NXPE1: variants seen among roughly 807,000 people sequenced by gnomAD.
NXPE1 encodes the protein NXPE family member 1.
Under a neutral mutation model 33.3 loss-of-function variants are expected in NXPE1, and 31 were observed. The observed-to-expected ratio is 0.93, with a 90% confidence interval of 0.70 to 1.26. The LOEUF (loss-of-function observed/expected upper bound fraction) is 1.26, where lower values mean the gene tolerates loss of function less well. Among genes scored for constraint, NXPE1 ranks in the 50% most tolerant of loss-of-function variants. The pLI, the probability that NXPE1 is intolerant of heterozygous loss-of-function variation, is 0.00. For synonymous variants in NXPE1, 229 were observed against 231.4 expected, an observed-to-expected ratio of 0.99 and a Z score of 0.09; for missense variants, 661 against 655.6, an observed-to-expected ratio of 1.01 and a Z score of -0.09.
At chr11:114,558,752 G>A (rs1225779197) in intron 1 of NXPE1, among the ~76,000 whole-genome samples, 11 of 152,074 alleles carry the variant, frequency 7.2e-5, no homozygotes, top group Non-Finnish European at 1.5e-4. Flanking sequence ...TAACATGATC[G>A]TTTTGAAAGC....
At chr11:114,521,082 G>A (rs1339250279), downstream of NXPE1, among the ~76,000 whole-genome samples, 1 of 152,096 alleles carries the variant, frequency 6.6e-6, no homozygotes, top group Non-Finnish European at 1.5e-5. Context: ...TCCTAATTCT[G>A]TCGTTCTTTC....
rs1332292800 is a variant in NXPE1 at position 114,536,340 on chromosome 11, A to G, written c.100-5432T>C. 4.6e-5 allele frequency among the ~76,000 whole-genome samples: 7 copies of G among 152,234 alleles called. No homozygotes were observed. In the East Asian group the frequency reaches 1.3e-3, roughly 29 times the overall value. ...CCACAAGAGAAAGCAGGAAAGATGA[A>G]AAATTGACACCCTAACATCACAATT... On this transcript the variant is annotated intron_variant, in intron 5 of 8. Coordinates refer to ENST00000534921, the Ensembl canonical transcript of NXPE1.
chr11:114,524,525 G>A (rs1010201246), intron 7 of NXPE1, among the ~76,000 whole-genome samples: 9 of 152,194 alleles, frequency 5.9e-5, no homozygotes, highest in Non-Finnish European at 1.2e-4. Context: ...GCTTACTAAA[G>A]GGAGTTTGTA....
At chr11:114,550,495 G>T (rs1452157402) in intron 5 of NXPE1, among the ~76,000 whole-genome samples, 2 of 152,130 alleles carry the variant, frequency 1.3e-5, no homozygotes. Flanking sequence ...TTTTAAATAA[G>T]AAGATTAGGA....
intron 5 of NXPE1, among the ~76,000 whole-genome samples, chr11:114,548,028 T>TA (rs1018618334): frequency 9.9e-5 from 15 of 151,334 alleles, no homozygotes; most frequent in Non-Finnish European, 1.9e-4. Context: ...AATACCACAT[T>TA]AAAAAAAAGG....
intron 1 of NXPE1, chr11:114,553,677 C>T (rs911313325): frequency 4.1e-6 from 4 of 973,748 alleles, no homozygotes; most frequent in Non-Finnish European, 3.7e-6. Context: ...ATTCCGAAAT[C>T]AATGTCTCAC....
At chr11:114,528,830 A>C (rs1565299238) in intron 6 of NXPE1, 9 of 678,956 alleles carry the variant, frequency 1.3e-5, no homozygotes, top group Non-Finnish European at 1.4e-5. Context: ...TCCAGGTGCC[A>C]TCCTGAGAAG....
chr11:114,525,876 G>T (rs1344182393), intron 7 of NXPE1, among the ~76,000 whole-genome samples: 2 of 152,156 alleles, frequency 1.3e-5, no homozygotes, highest in Non-Finnish European at 2.9e-5. Context: ...CACTGGGCAG[G>T]TAGCCACCTA....
At chr11:114,553,999 T>C (rs1948590438) in intron 1 of NXPE1, 2 of 985,416 alleles carry the variant, frequency 2.0e-6, no homozygotes, top group Non-Finnish European at 2.4e-6. Context: ...CTTGTCCAAT[T>C]GCAATGTTTT....
At chr11:114,520,271 T>G (rs1342373970), downstream of NXPE1, among the ~76,000 whole-genome samples, 1 of 152,188 alleles carries the variant, frequency 6.6e-6, no homozygotes, top group Non-Finnish European at 1.5e-5. Context: ...TTTCTCTTCC[T>G]CCCAGCCTGG....
exon 9 of NXPE1, chr11:114,521,782 C>T: frequency 1.8e-6 from 1 of 545,396 alleles, no homozygotes; most frequent in Non-Finnish European, 3.2e-6. Flanking sequence ...AGTCATTCTT[C>T]ATGAATGATT....
At chr11:114,534,867 A>T (rs1302185755) in intron 5 of NXPE1, among the ~76,000 whole-genome samples, 1 of 152,242 alleles carries the variant, frequency 6.6e-6, no homozygotes, top group Non-Finnish European at 1.5e-5. Flanking sequence ...GCAGGATATT[A>T]TCCAGGAGAA....
chr11:114,558,111 A>G (rs1346833395), intron 1 of NXPE1, among the ~76,000 whole-genome samples: 1 of 152,082 alleles, frequency 6.6e-6, no homozygotes, highest in East Asian at 1.9e-4. Context: ...TGCTCTCAAA[A>G]GGAGACTATA....
At chr11:114,522,525 G>T (rs1947245741) in intron 8 of NXPE1, 22 bp from the exon 9 acceptor site, 1 of 1,527,908 alleles carries the variant, frequency 6.5e-7, no homozygotes. Context: ...ACAAATAGAT[G>T]TTTTAAATAG....
chr11:114,529,062 G>A (rs909015970), intron 6 of NXPE1: 3 of 383,448 alleles, frequency 7.8e-6, no homozygotes, highest in Non-Finnish European at 9.3e-6. Context: ...GTCATGTTTG[G>A]TGCCTACTCT....
intron 5 of NXPE1, among the ~76,000 whole-genome samples, chr11:114,540,900 G>A (rs551297771): frequency 1.9e-5 from 2 of 107,722 alleles, no homozygotes; most frequent in African/African-American, 7.0e-5. Context: ...TGAACAACCT[G>A]AGAGCAGAGT....
At position 114,540,233 on chromosome 11, in the gene NXPE1, G is replaced by A. The variant is rs143840140; in HGVS notation, c.100-9325C>T. Among the ~76,000 whole-genome samples, 1,416 of 152,188 alleles carry A rather than the reference G, an allele frequency of 9.3e-3. 22 individuals are homozygous for A. The highest frequency in any genetic ancestry group is 0.031 in the African/African-American group (1,273 of 41,530). ...CGGCCTCCCAAAGTGCTGGGATTAC[G>A]GTGTGAGCCACCATGCCCGGCCAAT... On this transcript the variant is annotated intron_variant, in intron 5 of 8. Transcript: ENST00000534921.
At chr11:114,541,445 G>A (rs953420324) in intron 5 of NXPE1, among the ~76,000 whole-genome samples, 9 of 152,258 alleles carry the variant, frequency 5.9e-5, no homozygotes, top group Middle Eastern at 3.4e-3. Flanking sequence ...TAGAAATGTC[G>A]ATGAAAAGAG....
At chr11:114,533,543 A>T (rs1947668471) in intron 5 of NXPE1, among the ~76,000 whole-genome samples, 1 of 152,186 alleles carries the variant, frequency 6.6e-6, no homozygotes, top group Non-Finnish European at 1.5e-5. Flanking sequence ...TAGTCAAAGA[A>T]AGGGGTGACA....
Sources: gnomAD v4.1 joint callset for allele counts (sites outside exome capture counted in the v4.1 genomes callset) on GRCh38, gnomAD v4.1.1 for gene constraint, MANE v1.5 for transcripts, NCBI Gene and HGNC (gene_info 2026-07-23, HGNC 2026-07-21) for gene names.